The following RCSD1 variants were observed in gnomAD, a reference collection of about 807,000 sequenced individuals.
RCSD1 encodes the protein capZ-interacting protein.
In RCSD1, 26 loss-of-function variants were observed where a neutral mutation model predicts 42.5. That is an observed-to-expected ratio of 0.61 (90% CI 0.45 to 0.85). The LOEUF is 0.85. Among genes scored for constraint, RCSD1 ranks in the 40% least tolerant of loss-of-function variants. The pLI is 0.00. For missense variants in RCSD1, 571 were observed against 528.3 expected (o/e 1.08, Z -0.79); for synonymous variants, 220 against 212.2 (o/e 1.04, Z -0.32).
intron 1 of RCSD1, among the ~76,000 whole-genome samples, chr1:167,647,628 A>G (rs1315681971): frequency 6.6e-6 from 1 of 152,186 alleles, no homozygotes; most frequent in Non-Finnish European, 1.5e-5. Context: ...AGTCCCAGCT[A>G]TTCAGGAGGC....
At chr1:167,678,493 C>G (rs1659002935) in intron 1 of RCSD1, among the ~76,000 whole-genome samples, 1 of 152,002 alleles carries the variant, frequency 6.6e-6, no homozygotes, top group African/African-American at 2.4e-5. Flanking sequence ...TTCTCTTTCC[C>G]TTGCTCACAC....
At chr1:167,640,530 G>A (rs1346500836) in intron 1 of RCSD1, 1 of 152,182 alleles carries the variant, frequency 6.6e-6, no homozygotes, top group African/African-American at 2.4e-5. Flanking sequence ...ACAGGTTCCA[G>A]GGATTAGGAA....
chr1:167,652,973 CA>C lies in RCSD1; in HGVS notation c.6+22547del, dbSNP rs370965297. Among the ~76,000 whole-genome samples, 452 of 152,300 alleles carry C rather than the reference CA, an allele frequency of 3.0e-3. 3 individuals are homozygous for C. Among genetic ancestry groups the C allele is most frequent in the African/African-American group, 0.01 (429 of 41,548 alleles). On this transcript the variant is annotated intron_variant, in intron 1 of 6. Coordinates refer to ENST00000367854, the MANE Select transcript of RCSD1 (RefSeq NM_052862.4). ...CTTATAGTATATTCTAAAAATAGAA[CA>C]AAGACTTCTCGAGCTTTGGTTACAC... is the stretch of plus-strand genomic sequence containing the variant.
chr1:167,700,035 A>AATTGTATT (rs1659600888), intron 6 of RCSD1, among the ~76,000 whole-genome samples: 1 of 151,970 alleles, frequency 6.6e-6, no homozygotes, highest in Non-Finnish European at 1.5e-5. Flanking sequence ...GTATTTCTCT[A>AATTGTATT]CTCCTTTTCC....
chr1:167,660,173 G>A lies in RCSD1; in HGVS notation c.7-23727G>A, dbSNP rs567331517. The stretch of plus-strand genomic sequence containing the variant: ...TTTTACATGTGCTCTCTTGTTTGAC[G>A]CCTATGATGTTAAGCGTTCCTATCC... On this transcript the variant is annotated intron_variant, in intron 1 of 6. Coordinates refer to ENST00000367854, the MANE Select transcript of RCSD1 (RefSeq NM_052862.4). Among the ~76,000 whole-genome samples the A allele has an allele frequency of 2.6e-5, 4 of 152,224 alleles. No individual in the cohort carries two copies. In the South Asian group the frequency reaches 6.2e-4, roughly 24 times the overall value.
intron 6 of RCSD1, among the ~76,000 whole-genome samples, chr1:167,704,081 A>T (rs1371927380): frequency 6.6e-5 from 10 of 152,218 alleles, no homozygotes; most frequent in African/African-American, 2.4e-4. Flanking sequence ...GAGTCCTGGT[A>T]CAGCTCCTAG....
chr1:167,632,444 C>A (rs1195248166), intron 1 of RCSD1, among the ~76,000 whole-genome samples: 2 of 152,154 alleles, frequency 1.3e-5, no homozygotes, highest in East Asian at 1.9e-4. Context: ...GTTTCTCCCC[C>A]CTCAGATGAG....
intron 4 of RCSD1, among the ~76,000 whole-genome samples, chr1:167,691,091 C>T (rs1659365406): frequency 6.6e-6 from 1 of 152,184 alleles, no homozygotes; most frequent in Admixed American, 6.5e-5. Context: ...GGTTTCTCAG[C>T]CTTGGCATTA....
At chr1:167,661,694 C>A (rs1282615060) in intron 1 of RCSD1, among the ~76,000 whole-genome samples, 2 of 152,108 alleles carry the variant, frequency 1.3e-5, no homozygotes, top group Non-Finnish European at 2.9e-5. Context: ...GTTCCGCTGT[C>A]GATTAATATA....
chr1:167,698,448 G>A (rs1659553668), intron 6 of RCSD1, among the ~76,000 whole-genome samples: 2 of 152,226 alleles, frequency 1.3e-5, no homozygotes, highest in African/African-American at 2.4e-5. Flanking sequence ...TGCATGTGAT[G>A]TTGGGACGTT....
At chr1:167,681,901 A>C (rs1659091090) in intron 1 of RCSD1, among the ~76,000 whole-genome samples, 1 of 152,194 alleles carries the variant, frequency 6.6e-6, no homozygotes, top group African/African-American at 2.4e-5. Flanking sequence ...TGTCAAGTCT[A>C]GGAGCCCCTC....
At chr1:167,687,652 C>T (rs1659269652) in intron 3 of RCSD1, among the ~76,000 whole-genome samples, 1 of 152,242 alleles carries the variant, frequency 6.6e-6, no homozygotes, top group Admixed American at 6.5e-5. Context: ...CCTGCAGAGG[C>T]TCTAATGCTG....
chr1:167,670,904 A>T (rs959539178), intron 1 of RCSD1, among the ~76,000 whole-genome samples: 1 of 151,994 alleles, frequency 6.6e-6, no homozygotes, highest in African/African-American at 2.4e-5. Flanking sequence ...CCATACCCCC[A>T]TCCAGGCCAT....
chr1:167,701,404 C>G (rs978772118), intron 6 of RCSD1, among the ~76,000 whole-genome samples: 1 of 151,830 alleles, frequency 6.6e-6, no homozygotes, highest in Non-Finnish European at 1.5e-5. Context: ...CTCCCAGGTT[C>G]AAGTAATTCT....
chr1:167,688,037 C>T (rs1659278397), intron 3 of RCSD1, among the ~76,000 whole-genome samples: 1 of 152,178 alleles, frequency 6.6e-6, no homozygotes, highest in Non-Finnish European at 1.5e-5. Flanking sequence ...GGTTTTTCTC[C>T]ACCGGATTGT....
Position 167,694,193 on chromosome 1 carries a change from C to T in RCSD1, c.365C>T (p.Pro122Leu). Residue 122 changes from proline to leucine, a missense_variant, in exon 5 of 7, where the codon CCT becomes CTT. By Grantham distance (98) the Pro-to-Leu change is moderately conservative. Transcript: ENST00000367854. ...KAMVSPFHSP[P>L]STPSSPGVRS... ...ATGGTGTCGCCATTTCACAGCCCACCTTCTACCCCCAGCAGCCCTGGTGTG... is the reference window on the plus strand; with the variant it reads ...ATGGTGTCGCCATTTCACAGCCCACTTTCTACCCCCAGCAGCCCTGGTGTG... 3 of 1,614,242 alleles carry T rather than the reference C, an allele frequency of 1.9e-6. No homozygotes were observed. The highest frequency in any genetic ancestry group is 2.5e-6 in the Non-Finnish European group (3 of 1,180,032).
In RCSD1 at chr1:167,675,103, G is replaced by A. The variant is rs563049396; in HGVS notation, c.7-8797G>A. Among the ~76,000 whole-genome samples the A allele has an allele frequency of 1.3e-4, 20 of 151,460 alleles. No homozygotes were observed. In the South Asian group the frequency reaches 4.0e-3, roughly 30 times the overall value. ...TGCCTGTAGTCCCAGCTACTTCGGAGGCTGAGGCAGGAGAGCTGCTTGAAC... is the reference window on the plus strand; with the variant it reads ...TGCCTGTAGTCCCAGCTACTTCGGAAGCTGAGGCAGGAGAGCTGCTTGAAC... On this transcript the variant is annotated intron_variant, in intron 1 of 6. Coordinates refer to ENST00000367854, the MANE Select transcript of RCSD1 (RefSeq NM_052862.4).
chr1:167,677,361 G>T (rs936622260), intron 1 of RCSD1, among the ~76,000 whole-genome samples: 1 of 152,186 alleles, frequency 6.6e-6, no homozygotes, highest in Non-Finnish European at 1.5e-5. Flanking sequence ...TTTAGCCAAA[G>T]AAATCTTCTG....
intron 1 of RCSD1, among the ~76,000 whole-genome samples, chr1:167,638,034 G>A (rs149415716): frequency 5.7e-4 from 87 of 152,254 alleles, no homozygotes; most frequent in Admixed American, 3.2e-3. Context: ...ACAATGTGCC[G>A]CAGCAGGCTT....
Sources: allele counts gnomAD v4.1 joint callset (sites outside exome capture counted in the v4.1 genomes callset), GRCh38; gene constraint gnomAD v4.1.1; transcripts MANE v1.5; gene names NCBI Gene and HGNC (gene_info 2026-07-23, HGNC 2026-07-21).